ECPAS: variants seen among roughly 807,000 people sequenced by gnomAD.
The protein encoded by ECPAS is Ecm29 proteasome adaptor and scaffold.
ECPAS carries 70 observed loss-of-function variants against 255.1 expected under a neutral mutation model. The ratio of observed to expected loss-of-function variants is 0.27; its 90% confidence interval spans 0.23 to 0.33. The LOEUF is 0.33. ECPAS is among the 10% of genes least tolerant of loss of function. The pLI is 1.00. For missense variants in ECPAS, 1,817 were observed against 2,206.4 expected (o/e 0.82, Z 3.54); for synonymous variants, 784 against 775.0 (o/e 1.01, Z -0.19).
At chr9:111,441,995 G>C (rs150051372) in intron 5 of ECPAS, among the ~76,000 whole-genome samples, 1 of 152,258 alleles carries the variant, frequency 6.6e-6, no homozygotes, top group East Asian at 1.9e-4. Flanking sequence ...GAATTGTTTT[G>C]ATGCAAAGGA....
At chr9:111,369,896 G>A (rs749072470) in intron 45 of ECPAS, among the ~76,000 whole-genome samples, 13 of 152,088 alleles carry the variant, frequency 8.5e-5, no homozygotes, top group Non-Finnish European at 1.2e-4. Context: ...GGCTGGGGTG[G>A]CTTAGCTTAT....
chr9:111,435,487 T>C (rs866078936), intron 7 of ECPAS, among the ~76,000 whole-genome samples: 13 of 152,130 alleles, frequency 8.5e-5, no homozygotes, highest in Non-Finnish European at 1.6e-4. Context: ...TAGATAATCC[T>C]AGGTTCAAAG....
intron 35 of ECPAS, among the ~76,000 whole-genome samples, chr9:111,379,559 T>C (rs1026843773): frequency 6.6e-6 from 1 of 152,210 alleles, no homozygotes; most frequent in African/African-American, 2.4e-5. Flanking sequence ...AAGTCAACAA[T>C]GAAGTTCGCT....
Position 111,362,175 on chromosome 9 carries a change from T to G in ECPAS, c.5381-6A>C. 7.0e-7 allele frequency: 1 copy of G among 1,422,062 alleles called. No homozygotes were observed. Among genetic ancestry groups the G allele is most frequent in the Non-Finnish European group, 9.2e-7 (1 of 1,092,632 alleles). The allele number at this position is 1,422,062 out of a possible 1,614,324, so 88.1% of individuals were successfully genotyped here. On this transcript the variant is annotated splice_polypyrimidine_tract_variant and splice_region_variant and intron_variant, in intron 49 of 49. Transcript: ENST00000684092. The stretch of plus-strand genomic sequence containing the variant: ...ACATTCCCACTGTTTAGATTCTGCA[T>G]GAAAAAAAAAAAACAAAAACAAAAA...
chr9:111,375,336 G>A (rs2098132156), intron 37 of ECPAS, 134 bp from the exon 38 acceptor site: 1 of 674,102 alleles, frequency 1.5e-6, no homozygotes, highest in Non-Finnish European at 2.7e-6. Flanking sequence ...GCTTGCTTCT[G>A]CTCTGATTTC....
At chr9:111,420,839 T>G (rs2098212444) in intron 15 of ECPAS, among the ~76,000 whole-genome samples, 1 of 152,198 alleles carries the variant, frequency 6.6e-6, no homozygotes, top group South Asian at 2.1e-4. Context: ...TAGCAGTCCT[T>G]GAACTACATT....
chr9:111,377,469 C>T lies in ECPAS; in HGVS notation c.3955-928G>A, dbSNP rs188124330. Among the ~76,000 whole-genome samples the T allele has an allele frequency of 1.6e-3, 246 of 152,064 alleles. 1 individual carries two copies. Among genetic ancestry groups the T allele is most frequent in the African/African-American group, 5.8e-3 (239 of 41,460 alleles). On this transcript the variant is annotated intron_variant, in intron 36 of 49. Coordinates refer to ENST00000684092, the MANE Select transcript of ECPAS (RefSeq NM_001364929.1). ...ATCACACATACGTTATTCAACAGTG[C>T]CAAAGGTACGGAGAAAAAAAGAACA...
rs2098192017 is a variant in ECPAS at position 111,410,332 on chromosome 9, T to C, written c.2378-119A>G. On this transcript the variant is annotated intron_variant, in intron 22 of 49. Transcript: ENST00000684092. ...CAAAATAAAATCAAAGTGTACGATA[T>C]CTTCTAGTTGACAATTTGCCAACAT... 6.6e-6 allele frequency: 5 copies of C among 760,090 alleles called. No individual in the cohort carries two copies. The South Asian group carries it at 7.2e-5, about 11-fold the overall frequency. 47.1% of individuals were successfully genotyped at this position (760,090 alleles called of 1,614,324 possible).
chr9:111,480,833 G>A lies in ECPAS; in HGVS notation c.-83+3283C>T, dbSNP rs568437811. On this transcript the variant is annotated intron_variant, in intron 1 of 49. Coordinates refer to ENST00000684092, the MANE Select transcript of ECPAS (RefSeq NM_001364929.1). ...CAAAACAAGAAGAAGGCAAGGATTG[G>A]AATTATTTGTTCCTAACTTTCCATT... is the stretch of plus-strand genomic sequence containing the variant. Among the ~76,000 whole-genome samples, 9 of 152,286 alleles carry A rather than the reference G, an allele frequency of 5.9e-5. No homozygotes were observed. In the South Asian group the frequency reaches 1.9e-3, roughly 32 times the overall value.
intron 7 of ECPAS, 102 bp downstream of exon 7, chr9:111,436,838 G>A: frequency 1.0e-6 from 1 of 995,164 alleles, no homozygotes; most frequent in South Asian, 2.1e-5. Context: ...TATTTCACTG[G>A]AGAGCCTGAA....
rs749551183 is a variant in ECPAS, at chr9:111,374,044, G to A, written c.4111-6C>T. The stretch of plus-strand genomic sequence containing the variant: ...ATGACACTGGCACAGCCACCCTACA[G>A]GGTTACAAAAGCAAAGGTCTAAATC... On this transcript the variant is annotated splice_polypyrimidine_tract_variant and splice_region_variant and intron_variant, in intron 38 of 49. Coordinates refer to ENST00000684092, the MANE Select transcript of ECPAS (RefSeq NM_001364929.1). 8 of 1,611,132 alleles carry A rather than the reference G, an allele frequency of 5.0e-6. No homozygotes were observed. The East Asian group carries it at 1.3e-4, about 27-fold the overall frequency.
intron 29 of ECPAS, 108 bp from the exon 30 acceptor site, chr9:111,390,209 A>T (rs1478951002): frequency 1.3e-5 from 8 of 594,414 alleles, no homozygotes; most frequent in Non-Finnish European, 2.4e-5. Flanking sequence ...ATTTTCACTC[A>T]ATTTCTAATA....
At position 111,484,367 on chromosome 9, in the gene ECPAS, G is replaced by A. The variant is rs375820796; in HGVS notation, c.-334C>T. 2.1e-4 allele frequency: 333 copies of A among 1,611,582 alleles called. 1 individual carries two copies. Among genetic ancestry groups the A allele is most frequent in the South Asian group, 1.9e-3 (175 of 90,890 alleles). ...ACCTGGGGAAACACGCCTGTCCAAA[G>A]GAAGAGACGTGGACTCAGAAAAGTA... On this transcript the variant is annotated 5_prime_UTR_variant, in exon 1 of 50. Coordinates refer to ENST00000684092, the MANE Select transcript of ECPAS (RefSeq NM_001364929.1).
rs760844693 is a variant in ECPAS, at chr9:111,369,052, C to T, written c.5096G>A (p.Arg1699Gln). Residue 1699 changes from arginine (R) to glutamine (Q), a missense_variant, in exon 46 of 50, where the codon CGA becomes CAA. Physicochemically the swap from Arg to Gln is conservative, Grantham distance 43. Transcript: ENST00000684092. ...GTGCTTACGTTGGGTCTCCGCGTTT[C>T]GCGGCCAGGCTTTGCCCAGGCTTTC... is the stretch of plus-strand genomic sequence containing the variant. The part of the protein sequence containing the change: ...AFESLGKAWP[R>Q]NAETQRCYRQ... The T allele has an allele frequency of 4.4e-6, 7 of 1,588,022 alleles. No homozygotes were observed. The highest frequency in any genetic ancestry group is 6.0e-6 in the Non-Finnish European group (7 of 1,171,368).
intron 46 of ECPAS, 138 bp downstream of exon 46, chr9:111,368,897 C>G (rs2098123953): frequency 1.2e-6 from 1 of 818,560 alleles, no homozygotes; most frequent in Admixed American, 3.8e-5. Flanking sequence ...AGACAAAAAA[C>G]TTTCACTGGA....
intron 2 of ECPAS, among the ~76,000 whole-genome samples, chr9:111,457,197 T>C (rs2098267960): frequency 6.6e-6 from 1 of 152,100 alleles, no homozygotes; most frequent in Non-Finnish European, 1.5e-5. Context: ...AAGCAGACTG[T>C]ACAGGGTAGA....
At chr9:111,440,255 G>A (rs1455401929) in intron 6 of ECPAS, 117 bp downstream of exon 6, 39 of 883,358 alleles carry the variant, frequency 4.4e-5, no homozygotes, top group Non-Finnish European at 6.3e-5. Flanking sequence ...CTTTGTAAAC[G>A]TAAATGGATG....
chr9:111,384,709 G>A, intron 33 of ECPAS, 140 bp from the exon 34 acceptor site: 2 of 711,418 alleles, frequency 2.8e-6, no homozygotes, highest in Admixed American at 2.3e-5. Context: ...AAAAAAATTG[G>A]TATCTCATCA....
chr9:111,430,656 A>T (rs2098228476), intron 8 of ECPAS, 28 bp from the exon 9 acceptor site: 1 of 1,472,226 alleles, frequency 6.8e-7, no homozygotes, highest in African/African-American at 1.4e-5. Context: ...ACAGGTTGTT[A>T]AAATTATTTT....
Sources: allele counts gnomAD v4.1 joint callset (sites outside exome capture counted in the v4.1 genomes callset), GRCh38; gene constraint gnomAD v4.1.1; transcripts MANE v1.5; gene names NCBI Gene and HGNC (gene_info 2026-07-23, HGNC 2026-07-21).